FGGY: variants seen among roughly 807,000 people sequenced by gnomAD.
FGGY encodes the protein FGGY carbohydrate kinase domain-containing protein.
FGGY carries 72 observed loss-of-function variants against 71.3 expected under a neutral mutation model. That is an observed-to-expected ratio of 1.01 (90% CI 0.84 to 1.23). FGGY has a LOEUF of 1.23. FGGY is among the 50% of genes most tolerant of loss of function. FGGY has a pLI of 0.00. For missense variants in FGGY, 668 were observed against 682.3 expected (o/e 0.98, Z 0.23); for synonymous variants, 251 against 250.3 (o/e 1.00, Z -0.02).
intron 14 of FGGY, among the ~76,000 whole-genome samples, chr1:59,717,631 G>A (rs1462035489): frequency 6.6e-6 from 1 of 152,174 alleles, no homozygotes; most frequent in Non-Finnish European, 1.5e-5. Flanking sequence ...CATGTAGATT[G>A]AGAAGGCCAT....
chr1:59,493,478 C>T (rs1200040641), intron 6 of FGGY, among the ~76,000 whole-genome samples: 1 of 152,108 alleles, frequency 6.6e-6, no homozygotes, highest in African/African-American at 2.4e-5. Flanking sequence ...AATTATGACA[C>T]ATACTATAGC....
At chr1:59,688,979 AC>A (rs1330852931) in intron 14 of FGGY, among the ~76,000 whole-genome samples, 1 of 152,026 alleles carries the variant, frequency 6.6e-6, no homozygotes, top group African/African-American at 2.4e-5. Context: ...CGAACTCCTG[AC>A]CTCAGGTGAT....
chr1:59,638,297 C>T lies in FGGY; in HGVS notation c.1143C>T (p.Phe381=). ...DLIKKAQPVG[F]LTVDLHVWPD... ...TTAAGAAGGCTCAGCCTGTGGGTTT[C>T]CTTACTGTTGATTTACATGTTTGGC... The change falls in exon 11 of 16, where the codon TTC becomes TTT. Residue 381 remains phenylalanine, a synonymous_variant. Coordinates refer to ENST00000303721, the MANE Select transcript of FGGY (RefSeq NM_018291.5). 1 of 1,614,226 alleles carries T rather than the reference C, an allele frequency of 6.2e-7. No individual in the cohort carries two copies. The highest frequency in any genetic ancestry group is 1.1e-5 in the South Asian group (1 of 91,088).
chr1:59,302,737 TGCAA>T (rs2042959503), intron 1 of FGGY, among the ~76,000 whole-genome samples: 1 of 152,114 alleles, frequency 6.6e-6, no homozygotes, highest in Admixed American at 6.5e-5. Context: ...ATATAAAAAA[TGCAA>T]ACCTAAAGTA....
intron 13 of FGGY, among the ~76,000 whole-genome samples, chr1:59,669,793 A>G (rs2153974203): frequency 6.6e-6 from 1 of 152,260 alleles, no homozygotes; most frequent in Non-Finnish European, 1.5e-5. Flanking sequence ...AGAAAATGGG[A>G]AACAGGGCCT....
At chr1:59,586,119 A>G (rs2096281544) in intron 8 of FGGY, among the ~76,000 whole-genome samples, 1 of 152,222 alleles carries the variant, frequency 6.6e-6, no homozygotes, top group Admixed American at 6.5e-5. Flanking sequence ...TCAGGGATCT[A>G]GAACTAGAAA....
intron 14 of FGGY, among the ~76,000 whole-genome samples, chr1:59,739,173 G>A (rs1463623214): frequency 6.6e-6 from 1 of 152,232 alleles, no homozygotes. Flanking sequence ...GGCAGTCCTT[G>A]TGAATATTTG....
At chr1:59,701,798 G>A (rs141962505) in intron 14 of FGGY, among the ~76,000 whole-genome samples, 2 of 152,238 alleles carry the variant, frequency 1.3e-5, no homozygotes, top group African/African-American at 4.8e-5. Context: ...TGGGAACAAA[G>A]GATTCATGAA....
rs565169601 is a variant in FGGY at position 59,346,342 on chromosome 1, G to T, written c.409G>T (p.Val137Phe). ...GACCAAGCACAGTGTCCTCCAGTAC[G>T]TCGGGGGGGTGATGTCTGTGGAAAT... ...NETKHSVLQYVGGVMSVEMQA... is the reference protein window; with the variant it reads ...NETKHSVLQYFGGVMSVEMQA... The change falls in exon 4 of 16, where the codon GTC becomes TTC. Residue 137 changes from valine (V) to phenylalanine (F), a missense_variant. By Grantham distance (50) the Val-to-Phe change is conservative (BLOSUM62 -1). Coordinates refer to ENST00000303721, the MANE Select transcript of FGGY (RefSeq NM_018291.5). 2 of 1,611,876 alleles carry T rather than the reference G, an allele frequency of 1.2e-6. No homozygotes were observed. The highest frequency in any genetic ancestry group is 2.2e-5 in the East Asian group (1 of 44,882).
chr1:59,383,716 G>A (rs994000001), intron 5 of FGGY, among the ~76,000 whole-genome samples: 3 of 152,144 alleles, frequency 2.0e-5, no homozygotes, highest in Admixed American at 1.3e-4. Flanking sequence ...TCCTAACCCA[G>A]ACATTCTTTT....
intron 6 of FGGY, among the ~76,000 whole-genome samples, chr1:59,508,112 A>G (rs898016880): frequency 1.3e-5 from 2 of 152,150 alleles, no homozygotes; most frequent in African/African-American, 2.4e-5. Context: ...TTGCCTTTCC[A>G]CACAGGCTTG....
At chr1:59,299,784 A>T (rs552132742) in intron 1 of FGGY, among the ~76,000 whole-genome samples, 30 of 152,246 alleles carry the variant, frequency 2.0e-4, no homozygotes, top group African/African-American at 7.0e-4. Flanking sequence ...CACAGGCTAA[A>T]CTAATTCCAA....
chr1:59,433,632 C>T (rs1247159141), intron 5 of FGGY, among the ~76,000 whole-genome samples: 1 of 152,180 alleles, frequency 6.6e-6, no homozygotes, highest in Non-Finnish European at 1.5e-5. Context: ...AATTTCCTGG[C>T]AAAGCAGGGG....
At chr1:59,591,062 C>T (rs549737831) in intron 8 of FGGY, among the ~76,000 whole-genome samples, 11 of 152,178 alleles carry the variant, frequency 7.2e-5, no homozygotes, top group African/African-American at 2.7e-4. Context: ...CCCAAAATCT[C>T]CTCAAGCTGA....
At chr1:59,731,647 G>T (rs2098031112) in intron 14 of FGGY, among the ~76,000 whole-genome samples, 1 of 150,152 alleles carries the variant, frequency 6.7e-6, no homozygotes, top group African/African-American at 2.4e-5. Context: ...GGGGTGGGGG[G>T]CATTCTCCAT....
intron 14 of FGGY, among the ~76,000 whole-genome samples, chr1:59,743,202 A>G (rs889772646): frequency 1.3e-4 from 20 of 152,054 alleles, no homozygotes; most frequent in African/African-American, 4.8e-4. Context: ...AGGCCTTCAG[A>G]TATGCATTTC....
chr1:59,683,315 T>C lies in FGGY; in HGVS notation c.1512+9182T>C, dbSNP rs528984777. ...AATTCAGATCTTACTCCAAAGTCCA[T>C]GCCCCTCACTGTTTGTAGGCTATCC... On this transcript the variant is annotated intron_variant, in intron 14 of 15. Transcript: ENST00000303721. 4.6e-5 allele frequency among the ~76,000 whole-genome samples: 7 copies of C among 152,332 alleles called. No individual in the cohort carries two copies. In the East Asian group the frequency reaches 1.2e-3, roughly 25 times the overall value.
chr1:59,742,632 G>A (rs1198073834), intron 14 of FGGY, among the ~76,000 whole-genome samples: 1 of 152,166 alleles, frequency 6.6e-6, no homozygotes, highest in African/African-American at 2.4e-5. Flanking sequence ...CTCAATCTAA[G>A]CATATTAAAA....
rs141115518 is a variant in FGGY, at chr1:59,497,567, G to A, written c.671-14744G>A. Among the ~76,000 whole-genome samples, 719 of 152,266 alleles carry A rather than the reference G, an allele frequency of 4.7e-3. 5 individuals are homozygous for A. Among genetic ancestry groups the A allele is most frequent in the African/African-American group, 0.016 (652 of 41,550 alleles). ...CATGCCACTACACTCCAGCCTGGGC[G>A]ACAGAGCCAGACTCCGTCTCAAACA... On this transcript the variant is annotated intron_variant, in intron 6 of 15. Transcript: ENST00000303721.
Sources: gnomAD v4.1 joint callset for allele counts (sites outside exome capture counted in the v4.1 genomes callset) on GRCh38, gnomAD v4.1.1 for gene constraint, MANE v1.5 for transcripts, NCBI Gene and HGNC (gene_info 2026-07-23, HGNC 2026-07-21) for gene names.